ASAP2: variants seen among roughly 807,000 people sequenced by gnomAD.
ASAP2 encodes ArfGAP with SH3 domain, ankyrin repeat and PH domain 2.
In ASAP2, 45 loss-of-function variants were observed where a neutral mutation model predicts 131.4. The ratio of observed to expected loss-of-function variants is 0.34; its 90% confidence interval spans 0.27 to 0.44. ASAP2 has a LOEUF of 0.44. Ranked by LOEUF, ASAP2 falls within the 20% of genes least tolerant of loss-of-function variation. ASAP2 has a pLI of 1.00. For missense variants in ASAP2, 1,011 were observed against 1,297.0 expected (o/e 0.78, Z 3.39); for synonymous variants, 510 against 503.0 (o/e 1.01, Z -0.19).
intron 1 of ASAP2, among the ~76,000 whole-genome samples, chr2:9,247,171 T>A (rs539913377): frequency 1.4e-4 from 22 of 152,214 alleles, no homozygotes; most frequent in Non-Finnish European, 2.8e-4. Flanking sequence ...AGAAAGGTCT[T>A]CTTCCTGACA....
chr2:9,255,450 A>T (rs1054358806), intron 1 of ASAP2, among the ~76,000 whole-genome samples: 2 of 152,242 alleles, frequency 1.3e-5, no homozygotes, highest in Non-Finnish European at 2.9e-5. Flanking sequence ...CTAGCAATTT[A>T]CTTAAATTCT....
chr2:9,294,376 G>A (rs553774473), intron 2 of ASAP2, among the ~76,000 whole-genome samples: 2 of 152,262 alleles, frequency 1.3e-5, no homozygotes, highest in African/African-American at 4.8e-5. Context: ...GGATGATAAG[G>A]AGTGCTTTTG....
At chr2:9,384,446 T>C (rs1675102693) in intron 20 of ASAP2, among the ~76,000 whole-genome samples, 1 of 152,158 alleles carries the variant, frequency 6.6e-6, no homozygotes, top group African/African-American at 2.4e-5. Flanking sequence ...TTGGAGGTAG[T>C]GTTAGATCCC....
At chr2:9,400,672 T>C in intron 25 of ASAP2, 70 bp from the exon 26 acceptor site, 1 of 1,384,364 alleles carries the variant, frequency 7.2e-7, no homozygotes, top group East Asian at 2.3e-5. Context: ...ACCCTGTGGC[T>C]TGTACATTGT....
chr2:9,243,786 G>A (rs1664150112), intron 1 of ASAP2, among the ~76,000 whole-genome samples: 1 of 152,138 alleles, frequency 6.6e-6, no homozygotes, highest in African/African-American at 2.4e-5. Flanking sequence ...TATGCTAGTT[G>A]CTGAGGATTC....
intron 27 of ASAP2, among the ~76,000 whole-genome samples, 161 bp from the exon 28 acceptor site, chr2:9,403,092 C>A (rs11674625): frequency 0.26 from 38,929 of 152,134 alleles, 8,971 homozygotes; most frequent in African/African-American, 0.62. Context: ...TGAGGAAAAA[C>A]GGACAAAAAT....
intron 1 of ASAP2, among the ~76,000 whole-genome samples, chr2:9,266,289 GGCACCTA>G (rs1373608288): frequency 1.8e-4 from 27 of 151,890 alleles, no homozygotes; most frequent in Non-Finnish European, 3.2e-4. Context: ...TGGGACCACA[GGCACCTA>G]CCACCACACC....
At chr2:9,211,289 T>C (rs1661531292) in intron 1 of ASAP2, among the ~76,000 whole-genome samples, 1 of 152,212 alleles carries the variant, frequency 6.6e-6, no homozygotes, top group Non-Finnish European at 1.5e-5. Flanking sequence ...CAAAGTCTGG[T>C]GCTGCAACCA....
At chr2:9,216,155 C>G (rs1399702488) in intron 1 of ASAP2, among the ~76,000 whole-genome samples, 1 of 152,166 alleles carries the variant, frequency 6.6e-6, no homozygotes, top group African/African-American at 2.4e-5. Flanking sequence ...CACCACCTAC[C>G]CAGAATTTTA....
chr2:9,322,118 C>T (rs1004664470), intron 5 of ASAP2, among the ~76,000 whole-genome samples: 13 of 152,156 alleles, frequency 8.5e-5, no homozygotes, highest in South Asian at 2.1e-4. Flanking sequence ...CACTCCTTTC[C>T]GGATGCATAG....
chr2:9,250,940 G>A (rs1287802059), intron 1 of ASAP2, among the ~76,000 whole-genome samples: 1 of 152,202 alleles, frequency 6.6e-6, no homozygotes, highest in East Asian at 1.9e-4. Context: ...ATGAAACGAG[G>A]CGTGGTGAAA....
At chr2:9,335,460 C>T (rs564017793) in intron 9 of ASAP2, among the ~76,000 whole-genome samples, 25 of 152,330 alleles carry the variant, frequency 1.6e-4, no homozygotes, top group African/African-American at 5.8e-4. Context: ...TCAGTGGCTT[C>T]GTCACAGAGA....
At chr2:9,326,248 A>G (rs1294495322) in intron 6 of ASAP2, among the ~76,000 whole-genome samples, 2 of 152,110 alleles carry the variant, frequency 1.3e-5, no homozygotes, top group Admixed American at 6.5e-5. Context: ...ACAAACAAAC[A>G]TGACTTTAAA....
chr2:9,280,665 C>G (rs889070122), intron 2 of ASAP2, among the ~76,000 whole-genome samples: 2 of 152,186 alleles, frequency 1.3e-5, no homozygotes, highest in Non-Finnish European at 2.9e-5. Context: ...CCAAACTGAT[C>G]TGAAGATTCA....
chr2:9,238,835 G>T (rs1394290384), intron 1 of ASAP2, among the ~76,000 whole-genome samples: 1 of 152,166 alleles, frequency 6.6e-6, no homozygotes, highest in East Asian at 1.9e-4. Context: ...CTGACTTGGT[G>T]GTTCTGGTGG....
intron 16 of ASAP2, among the ~76,000 whole-genome samples, chr2:9,373,223 G>A (rs1028375162): frequency 2.0e-5 from 3 of 152,054 alleles, no homozygotes; most frequent in African/African-American, 7.3e-5. Context: ...TGATAAAAGT[G>A]CCAGAGCACA....
At chr2:9,210,453 G>T (rs1403302575) in intron 1 of ASAP2, among the ~76,000 whole-genome samples, 2 of 152,196 alleles carry the variant, frequency 1.3e-5, no homozygotes, top group African/African-American at 4.8e-5. Flanking sequence ...CCCAGTGAGG[G>T]CTTTTGGAGT....
chr2:9,321,530 T>G (rs2148507038), intron 5 of ASAP2, among the ~76,000 whole-genome samples: 1 of 152,262 alleles, frequency 6.6e-6, no homozygotes, highest in East Asian at 1.9e-4. Flanking sequence ...GATTCCTGCT[T>G]TGCAGAGGGA....
At chr2:9,358,144 C>T (rs1672837675) in intron 14 of ASAP2, among the ~76,000 whole-genome samples, 1 of 152,170 alleles carries the variant, frequency 6.6e-6, no homozygotes. Flanking sequence ...GCAAAGCTGT[C>T]TCTGCCATAT....
Sources: gnomAD v4.1 joint callset for allele counts (sites outside exome capture counted in the v4.1 genomes callset) on GRCh38, gnomAD v4.1.1 for gene constraint, MANE v1.5 for transcripts, NCBI Gene and HGNC (gene_info 2026-07-23, HGNC 2026-07-21) for gene names.